GRID2IP: variants seen among roughly 807,000 people sequenced by gnomAD.
The protein encoded by GRID2IP is Grid2 interacting protein.
GRID2IP carries 78 observed loss-of-function variants against 114.3 expected under a neutral mutation model. The observed-to-expected ratio is 0.68, with a 90% CI of 0.57 to 0.82. The LOEUF is 0.82. GRID2IP is among the 40% of genes least tolerant of loss of function. The pLI, the probability that GRID2IP is intolerant of heterozygous loss-of-function variation, is 0.00. For missense variants in GRID2IP, 1,727 were observed against 1,678.5 expected (o/e 1.03, Z -0.51); for synonymous variants, 809 against 724.0 (o/e 1.12, Z -1.89).
At chr7:6,544,746 T>C (rs1583355357) in intron 1 of GRID2IP, among the ~76,000 whole-genome samples, 1 of 151,744 alleles carries the variant, frequency 6.6e-6, no homozygotes, top group South Asian at 2.1e-4. Context: ...AGGCCAGGAG[T>C]TGGAGACCAG....
intron 2 of GRID2IP, among the ~76,000 whole-genome samples, chr7:6,539,235 C>A (rs925266941): frequency 6.6e-6 from 1 of 151,792 alleles, no homozygotes; most frequent in Non-Finnish European, 1.5e-5. Flanking sequence ...TTCAAGCAAT[C>A]CTCCAGCCTC....
chr7:6,537,868 A>G (rs1779752641), intron 2 of GRID2IP, among the ~76,000 whole-genome samples: 1 of 151,962 alleles, frequency 6.6e-6, no homozygotes, highest in Admixed American at 6.6e-5. Context: ...TTCGAGCAAA[A>G]CAGAGCGGAA....
In GRID2IP at chr7:6,523,914, T is replaced by C. The variant is rs1465913958; in HGVS notation, c.920-1957A>G. Among the ~76,000 whole-genome samples the C allele has an allele frequency of 1.3e-5, 2 of 152,204 alleles. No individual in the cohort carries two copies. Among genetic ancestry groups the C allele is most frequent in the African/African-American group, 4.8e-5 (2 of 41,446 alleles). On this transcript the variant is annotated intron_variant, in intron 4 of 21. Coordinates refer to ENST00000457091, the MANE Select transcript of GRID2IP (RefSeq NM_001145118.2). This position sits in a 1 kb window ranked among gnomAD's most constrained non-coding sequence, Gnocchi z 4.5. ...GATGGAGATGGTGGTGGTGGCATGGTTGGAACAGCCACATCCACAGAGGAG... is the reference window on the plus strand; with the variant it reads ...GATGGAGATGGTGGTGGTGGCATGGCTGGAACAGCCACATCCACAGAGGAG...
chr7:6,524,594 G>A (rs112400616), intron 4 of GRID2IP, among the ~76,000 whole-genome samples: 11,767 of 152,142 alleles, frequency 0.077, 613 homozygotes, highest in Middle Eastern at 0.13. Context: ...GGTGGCTCAC[G>A]CCTGTAATCC....
At chr7:6,533,308 A>ATTTT (rs1045289317) in intron 2 of GRID2IP, among the ~76,000 whole-genome samples, 1 of 152,086 alleles carries the variant, frequency 6.6e-6, no homozygotes, top group Non-Finnish European at 1.5e-5. Flanking sequence ...TTGAGCACAT[A>ATTTT]TTTTATGCCT....
chr7:6,535,219 G>A (rs1454242710), intron 2 of GRID2IP, among the ~76,000 whole-genome samples: 3 of 148,354 alleles, frequency 2.0e-5, no homozygotes, highest in South Asian at 2.2e-4. Context: ...TAGTAGAGGC[G>A]AGGTTTCACC....
rs888400841 is a variant in GRID2IP at position 6,536,718 on chromosome 7, G to A, written c.584+3000C>T. 13 of 688,142 alleles carry A rather than the reference G, an allele frequency of 1.9e-5. No individual in the cohort carries two copies. In the African/African-American group the frequency reaches 2.1e-4, roughly 11 times the overall value. The allele number at this position is 688,142 out of a possible 1,614,324, so 42.6% of individuals were successfully genotyped here. On this transcript the variant is annotated intron_variant, in intron 2 of 21. Transcript: ENST00000457091. This position sits in a 1 kb window ranked among gnomAD's most constrained non-coding sequence, Gnocchi z 5.3. ...GGCTGCCTGTCAATCAGCTCCCCAG[G>A]AAGCGCTCAGAGCCAGCGCATCATC...
At chr7:6,537,281 C>T (rs1779742061) in intron 2 of GRID2IP, among the ~76,000 whole-genome samples, 1 of 150,978 alleles carries the variant, frequency 6.6e-6, no homozygotes, top group Non-Finnish European at 1.5e-5. Flanking sequence ...CGGTGGCTCA[C>T]GCCTGTAATC....
At position 6,526,408 on chromosome 7, in the gene GRID2IP, C is replaced by A; in HGVS notation, c.834-99G>T. The A allele has an allele frequency of 1.3e-6, 2 of 1,508,464 alleles. No individual in the cohort carries two copies. Among genetic ancestry groups the A allele is most frequent in the Non-Finnish European group, 1.8e-6 (2 of 1,118,818 alleles). The allele number at this position is 1,508,464 out of a possible 1,614,324, so 93.4% of individuals were successfully genotyped here. A position where few individuals can be genotyped will look rare whatever the true frequency, so the allele number is the denominator to read the frequency against. On this transcript the variant is annotated intron_variant, in intron 3 of 21. Coordinates refer to ENST00000457091, the MANE Select transcript of GRID2IP (RefSeq NM_001145118.2). The surrounding 1 kb of genome is among the most constrained non-coding windows in gnomAD (Gnocchi z 7.6). ...GTCCCTCTCCCCTTAACCTCTCCGG[C>A]CCCCTATGCACCCCAGATGCCCAGC...
Position 6,520,681 on chromosome 7 carries a change from T to C in GRID2IP, c.1165A>G (p.Ile389Val). 3 of 1,551,678 alleles carry C rather than the reference T, an allele frequency of 1.9e-6. No individual in the cohort carries two copies. In the South Asian group the frequency reaches 3.6e-5, roughly 18 times the overall value. Residue 389 changes from isoleucine to valine, a missense_variant, in exon 7 of 22, where the codon ATC becomes GTC. By Grantham distance (29) the Ile-to-Val change is conservative (BLOSUM62 3). Coordinates refer to ENST00000457091, the MANE Select transcript of GRID2IP (RefSeq NM_001145118.2). The surrounding 1 kb of genome is among the most constrained non-coding windows in gnomAD (Gnocchi z 4.6). ...CTGAAGGTCCTCCCTTGGACCCGGATGCTGGACGGCAGGATCTCCGCCACC... is the reference window on the plus strand; with the variant it reads ...CTGAAGGTCCTCCCTTGGACCCGGACGCTGGACGGCAGGATCTCCGCCACC... Reference protein sequence around the residue: ...QWVAEILPSSIRVQGRTFSQQ... With the variant: ...QWVAEILPSSVRVQGRTFSQQ...
In GRID2IP at chr7:6,508,932, C is replaced by T; in HGVS notation, c.2127+26G>A. 1 of 1,536,592 alleles carries T rather than the reference C, an allele frequency of 6.5e-7. No homozygotes were observed. Among genetic ancestry groups the T allele is most frequent in the Non-Finnish European group, 8.7e-7 (1 of 1,143,656 alleles). ...CCGCCACACCTCGCCTCACCCGCCT[C>T]CCTCCACACCTGCTTGCGTGCCCAC... On this transcript the variant is annotated intron_variant, in intron 12 of 21. Transcript: ENST00000457091. The surrounding 1 kb of genome is among the most constrained non-coding windows in gnomAD (Gnocchi z 5.6).
At chr7:6,504,502 C>T (rs1179455369) in intron 15 of GRID2IP, among the ~76,000 whole-genome samples, 1 of 148,936 alleles carries the variant, frequency 6.7e-6, no homozygotes, top group African/African-American at 2.5e-5. Context: ...TGGGTGGGGT[C>T]TATGGGGGTC....
chr7:6,503,730 G>C (rs1210007776), intron 15 of GRID2IP, 43 bp from the exon 16 acceptor site: 2 of 1,393,674 alleles, frequency 1.4e-6, no homozygotes, highest in Non-Finnish European at 1.9e-6. Flanking sequence ...GGCCGGAGCG[G>C]GGCCGGATGG....
Position 6,509,278 on chromosome 7 carries a change from C to T in GRID2IP, c.1807G>A (p.Glu603Lys), listed in dbSNP as rs992416103. 32 of 1,527,036 alleles carry T rather than the reference C, an allele frequency of 2.1e-5. No homozygotes were observed. In the Admixed American group the frequency reaches 4.5e-4, roughly 22 times the overall value. The allele number at this position is 1,527,036 out of a possible 1,614,324, so 94.6% of individuals were successfully genotyped here. Reference protein sequence around the residue: ...RTLSGVSWPSERLLPSPCYHP... With the variant: ...RTLSGVSWPSKRLLPSPCYHP... ...TAGCAGGGGGAGGGCAAGAGTCGCT[C>T]GCTGGGCCATGAGACGCCGGACAGG... Residue 603 changes from glutamate to lysine, a missense_variant, in exon 12 of 22, where the codon GAG (glutamate) becomes AAG (lysine). Coordinates refer to ENST00000457091, the MANE Select transcript of GRID2IP (RefSeq NM_001145118.2). This position sits in a 1 kb window ranked among gnomAD's most constrained non-coding sequence, Gnocchi z 4.9.
Position 6,539,969 on chromosome 7 carries a change from C to A in GRID2IP, c.430-97G>T, listed in dbSNP as rs902246402. On this transcript the variant is annotated intron_variant, in intron 1 of 21. Coordinates refer to ENST00000457091, the MANE Select transcript of GRID2IP (RefSeq NM_001145118.2). ...CCTTTCCTCCCTCAGTTTACCTACA[C>A]GGGATGGCTGACGTGGGCGTACCAC... is the stretch of plus-strand genomic sequence containing the variant. 1.0e-5 allele frequency: 12 copies of A among 1,167,104 alleles called. No homozygotes were observed. In the Admixed American group the frequency reaches 2.8e-4, roughly 27 times the overall value. The allele number at this position is 1,167,104 out of a possible 1,614,324, so 72.3% of individuals were successfully genotyped here.
chr7:6,528,442 G>C lies in GRID2IP; in HGVS notation c.585-1673C>G, dbSNP rs1016254280. Among the ~76,000 whole-genome samples the C allele has an allele frequency of 6.6e-6, 1 of 152,196 alleles. No individual in the cohort carries two copies. Among genetic ancestry groups the C allele is most frequent in the Non-Finnish European group, 1.5e-5 (1 of 68,026 alleles). The stretch of plus-strand genomic sequence containing the variant: ...GGCCTGTGGCACAGCTGGCATCAGA[G>C]AACAGACTTCAGCGCTCAGCACTGT... On this transcript the variant is annotated intron_variant, in intron 2 of 21. Coordinates refer to ENST00000457091, the MANE Select transcript of GRID2IP (RefSeq NM_001145118.2). This position sits in a 1 kb window ranked among gnomAD's most constrained non-coding sequence, Gnocchi z 6.0.
At chr7:6,510,444 C>G (rs1334484483) in intron 10 of GRID2IP, 44 bp from the exon 11 acceptor site, 5 of 1,433,928 alleles carry the variant, frequency 3.5e-6, no homozygotes, top group Non-Finnish European at 4.7e-6. Context: ...TGCTTCCCCT[C>G]GTAGCCCTAA....
rs573500806 is a variant in GRID2IP, at chr7:6,519,035, C to T, written c.1268+1543G>A. On this transcript the variant is annotated intron_variant, in intron 7 of 21. Coordinates refer to ENST00000457091, the MANE Select transcript of GRID2IP (RefSeq NM_001145118.2). The surrounding 1 kb of genome is among the most constrained non-coding windows in gnomAD (Gnocchi z 4.1). ...CTGGGTTCAAGTGATTCTCCTGCCTCAGCCTCCCAAGTAGCTGGAACTACA... is the reference window on the plus strand; with the variant it reads ...CTGGGTTCAAGTGATTCTCCTGCCTTAGCCTCCCAAGTAGCTGGAACTACA... Among the ~76,000 whole-genome samples the T allele has an allele frequency of 1.4e-4, 22 of 152,122 alleles. No homozygotes were observed. The South Asian group carries it at 4.6e-3, about 32-fold the overall frequency.
chr7:6,514,330 G>A (rs571369000), intron 8 of GRID2IP, 45 bp downstream of exon 8: 1 of 1,450,020 alleles, frequency 6.9e-7, no homozygotes, highest in African/African-American at 1.4e-5. Flanking sequence ...GAGCTGGACA[G>A]TCAGCAGCTG....
Sources: gnomAD v4.1 joint callset for allele counts (sites outside exome capture counted in the v4.1 genomes callset) on GRCh38, gnomAD v4.1.1 for gene constraint, Gnocchi (gnomAD v3.1) non-coding constraint, MANE v1.5 for transcripts, NCBI Gene and HGNC (gene_info 2026-07-23, HGNC 2026-07-21) for gene names.